The following ARHGAP6 variants were observed in gnomAD, a reference collection of about 807,000 sequenced individuals.
The protein encoded by ARHGAP6 is rho GTPase-activating protein 6.
Under a neutral mutation model 55.7 loss-of-function variants are expected in ARHGAP6, and 16 were observed. The observed-to-expected ratio is 0.29, with a 90% CI of 0.19 to 0.44. ARHGAP6 has a LOEUF of 0.44. ARHGAP6 is among the 20% of genes least tolerant of loss of function. The pLI is 1.00. For synonymous variants in ARHGAP6, 382 were observed against 360.9 expected, an observed-to-expected ratio of 1.06 and a Z score of -0.66; for missense variants, 698 against 808.9, an observed-to-expected ratio of 0.86 and a Z score of 1.66.
intron 1 of ARHGAP6, among the ~76,000 whole-genome samples, chrX:11,576,408 T>G (rs2051599438): frequency 8.9e-6 from 1 of 111,982 alleles, no homozygotes; most frequent in Admixed American, 9.5e-5. Context: ...AAAAAAGTGC[T>G]CAATAGTACA....
rs775695912 is a variant in ARHGAP6, at chrX:11,553,317, C to T, written c.588+110924G>A. On this transcript the variant is annotated intron_variant, in intron 1 of 12. Coordinates refer to ENST00000337414, the MANE Select transcript of ARHGAP6 (RefSeq NM_013427.3). ...AATGCAGTGCTGCAATCATGTCTCA[C>T]TGTAGCCTCAACCTCCTGGGCTCAA... Among the ~76,000 whole-genome samples the T allele has an allele frequency of 5.5e-5, 6 of 109,651 alleles. No homozygotes were observed. The East Asian group carries it at 1.4e-3, about 26-fold the overall frequency.
intron 1 of ARHGAP6, among the ~76,000 whole-genome samples, chrX:11,574,053 T>C (rs1341840576): frequency 1.8e-5 from 2 of 111,291 alleles, no homozygotes; most frequent in Non-Finnish European, 3.8e-5. Context: ...AATAGACCAA[T>C]AACAGGATCT....
chrX:11,580,751 T>C (rs1034920831), intron 1 of ARHGAP6, among the ~76,000 whole-genome samples: 4 of 112,536 alleles, frequency 3.6e-5, no homozygotes, highest in African/African-American at 9.7e-5. Flanking sequence ...GAATATATTA[T>C]ATTTTACATT....
chrX:11,280,888 T>C (rs947490423), intron 1 of ARHGAP6, among the ~76,000 whole-genome samples: 1 of 110,864 alleles, frequency 9.0e-6, no homozygotes, highest in Non-Finnish European at 1.9e-5. Context: ...TTCAGTACAA[T>C]ATCTGATAGC....
chrX:11,484,828 A>T (rs2050495432), intron 1 of ARHGAP6, among the ~76,000 whole-genome samples: 2 of 111,872 alleles, frequency 1.8e-5, no homozygotes, highest in South Asian at 7.5e-4. Flanking sequence ...AAGAAAAACT[A>T]TTAAATAGGG....
rs1569411008 is a variant in ARHGAP6, at chrX:11,590,873, A to AAGAAAAGAAAAGAAG, written c.588+73367_588+73368insCTTCTTTTCTTTTCT. Among the ~76,000 whole-genome samples the AAGAAAAGAAAAGAAG allele has an allele frequency of 1.5e-4, 8 of 52,631 alleles. 1 individual carries two copies. The highest frequency in any genetic ancestry group is 2.3e-4 in the Admixed American group (1 of 4,285). 45.7% of individuals were successfully genotyped at this position (52,631 alleles called of 115,157 possible). A position where few individuals can be genotyped will look rare whatever the true frequency, so the allele number is the denominator to read the frequency against. On this transcript the variant is annotated intron_variant, in intron 1 of 12. Transcript: ENST00000337414. ...AAAGAAAAGAAAAGAAAAGAAGGAA[A>AAGAAAAGAAAAGAAG]GAAAGAAAGAAAGAAAGAAAGAAAG... is the stretch of plus-strand genomic sequence containing the variant.
chrX:11,296,975 C>T (rs1215537050), intron 1 of ARHGAP6: 4 of 847,915 alleles, frequency 4.7e-6, no homozygotes, highest in Non-Finnish European at 3.5e-6. Context: ...AGTTTAAGCT[C>T]TGATGGTTGG....
chrX:11,506,637 C>A lies in ARHGAP6; in HGVS notation c.588+157604G>T, dbSNP rs149017515. Reference sequence around the variant, plus strand: ...TGCCACATTTCTTTATCTAGTCTATCATTGATGGACATTTGGGTTGGTTCC... The same window carrying A: ...TGCCACATTTCTTTATCTAGTCTATAATTGATGGACATTTGGGTTGGTTCC... On this transcript the variant is annotated intron_variant, in intron 1 of 12. Coordinates refer to ENST00000337414, the MANE Select transcript of ARHGAP6 (RefSeq NM_013427.3). Among the ~76,000 whole-genome samples the A allele has an allele frequency of 5.9e-3, 660 of 111,997 alleles. 6 individuals carry two copies. The highest frequency in any genetic ancestry group is 0.021 in the African/African-American group (634 of 30,818).
rs2238903 is a variant in ARHGAP6, at chrX:11,251,619, T to C, written c.748+2929A>G. On this transcript the variant is annotated intron_variant, in intron 2 of 12. Transcript: ENST00000337414. ...GAGCTTGACTATGTGTCCATTTTCA[T>C]TGTATCATGATTTTCATTATATCCT... 3.6e-3 allele frequency among the ~76,000 whole-genome samples: 406 copies of C among 112,455 alleles called. 10 individuals are homozygous for C. In the East Asian group the frequency reaches 0.077, roughly 21 times the overall value.
chrX:11,425,762 A>C (rs781327637), intron 1 of ARHGAP6, among the ~76,000 whole-genome samples: 73 of 112,689 alleles, frequency 6.5e-4, no homozygotes, highest in African/African-American at 2.1e-3. Context: ...ATATATTTAC[A>C]TAATTGAGGC....
At chrX:11,369,767 C>T (rs1330993172) in intron 1 of ARHGAP6, among the ~76,000 whole-genome samples, 1 of 112,179 alleles carries the variant, frequency 8.9e-6, no homozygotes, top group Non-Finnish European at 1.9e-5. Flanking sequence ...GTTTTCTCTG[C>T]CCAGTTCTTC....
chrX:11,345,010 C>T (rs1435234225), intron 1 of ARHGAP6, among the ~76,000 whole-genome samples: 1 of 112,184 alleles, frequency 8.9e-6, no homozygotes, highest in East Asian at 2.8e-4. Flanking sequence ...TTCAAAGTTG[C>T]CATTGAAATT....
intron 1 of ARHGAP6, among the ~76,000 whole-genome samples, chrX:11,537,826 T>G (rs2051118804): frequency 8.9e-6 from 1 of 111,978 alleles, no homozygotes; most frequent in Non-Finnish European, 1.9e-5. Flanking sequence ...TGATATTCAT[T>G]GCACACCATG....
At chrX:11,377,806 G>T (rs1191393798) in intron 1 of ARHGAP6, among the ~76,000 whole-genome samples, 1 of 111,629 alleles carries the variant, frequency 9.0e-6, no homozygotes, top group South Asian at 3.8e-4. Context: ...GATGGCAACT[G>T]GAAGGGACAG....
intron 2 of ARHGAP6, among the ~76,000 whole-genome samples, chrX:11,219,449 T>C (rs2046933498): frequency 1.0e-5 from 1 of 99,800 alleles, no homozygotes; most frequent in Admixed American, 1.1e-4. Context: ...TCTAGATCCC[T>C]GAGGAATCGC....
chrX:11,646,922 C>T (rs1212681328), intron 1 of ARHGAP6, among the ~76,000 whole-genome samples: 1 of 112,029 alleles, frequency 8.9e-6, no homozygotes, highest in Non-Finnish European at 1.9e-5. Flanking sequence ...TTATATTTGT[C>T]TTCCAAAATA....
intron 2 of ARHGAP6, among the ~76,000 whole-genome samples, chrX:11,197,903 G>A (rs2046563638): frequency 9.0e-6 from 1 of 111,614 alleles, no homozygotes; most frequent in South Asian, 3.8e-4. Context: ...CATGTGGGAG[G>A]TGCAAATTCA....
chrX:11,610,162 A>G (rs950317155), intron 1 of ARHGAP6, among the ~76,000 whole-genome samples: 3 of 110,584 alleles, frequency 2.7e-5, no homozygotes, highest in Admixed American at 9.6e-5. Flanking sequence ...AATATGCTGT[A>G]TGACCAGATT....
chrX:11,326,347 T>G (rs780632274), intron 1 of ARHGAP6, among the ~76,000 whole-genome samples: 22 of 111,336 alleles, frequency 2.0e-4, no homozygotes, highest in African/African-American at 6.8e-4. Context: ...AGGCTGGTCT[T>G]GAACTCCCGA....
Sources: allele counts gnomAD v4.1 joint callset (sites outside exome capture counted in the v4.1 genomes callset), GRCh38; gene constraint gnomAD v4.1.1; transcripts MANE v1.5; gene names NCBI Gene and HGNC (gene_info 2026-07-23, HGNC 2026-07-21).